Variants in COL22A1 observed in about 807,000 individuals in gnomAD.
COL22A1 encodes the protein collagen type XXII alpha 1 chain.
A neutral mutation model predicts 248.9 loss-of-function variants in COL22A1; 221 were observed. The ratio of observed to expected loss-of-function variants is 0.89; its 90% confidence interval spans 0.80 to 0.99. COL22A1 has a LOEUF of 0.99. COL22A1 is among the 50% of genes least tolerant of loss of function. COL22A1 has a pLI of 0.00. For synonymous variants in COL22A1, 891 were observed against 793.4 expected (o/e 1.12, Z -2.07); for missense variants, 2,240 against 2,179.0 (o/e 1.03, Z -0.56).
intron 16 of COL22A1, among the ~76,000 whole-genome samples, chr8:138,767,208 G>A (rs1041434177): frequency 5.3e-5 from 8 of 152,234 alleles, no homozygotes; most frequent in African/African-American, 1.9e-4. Context: ...CGTGGAAGGT[G>A]CGCATTAACA....
chr8:138,667,484 A>G (rs1332020908), intron 41 of COL22A1, among the ~76,000 whole-genome samples: 2 of 152,212 alleles, frequency 1.3e-5, no homozygotes, highest in African/African-American at 4.8e-5. Context: ...AATTTAAAAC[A>G]CATCAAATGT....
rs763466994 is a variant in COL22A1, at chr8:138,902,739, T to TATATATACACACACACACACAC, written c.-73+10879_-73+10880insGTGTGTGTGTGTGTGTATATAT. On this transcript the variant is annotated intron_variant, in intron 1 of 64. Transcript: ENST00000303045. ...AAAAATTTATAAATATATATATATA[T>TATATATACACACACACACACAC]ACACACACACACACACACACACACA... Among the ~76,000 whole-genome samples the TATATATACACACACACACACAC allele has an allele frequency of 2.4e-3, 225 of 93,860 alleles. 1 individual carries two copies. Among genetic ancestry groups the TATATATACACACACACACACAC allele is most frequent in the African/African-American group, 4.0e-3 (89 of 22,090 alleles). The allele number at this position is 93,860 out of a possible 152,430, so 61.6% of individuals were successfully genotyped here. A position where few individuals can be genotyped will look rare whatever the true frequency, so the allele number is the denominator to read the frequency against.
chr8:138,687,238 T>G (rs989344616), intron 37 of COL22A1, among the ~76,000 whole-genome samples: 8 of 152,322 alleles, frequency 5.3e-5, no homozygotes, highest in African/African-American at 1.9e-4. Flanking sequence ...ATTACAGGCG[T>G]GAGCCACCAC....
intron 9 of COL22A1, among the ~76,000 whole-genome samples, chr8:138,810,951 A>G (rs1005492404): frequency 2.6e-5 from 4 of 152,222 alleles, no homozygotes; most frequent in African/African-American, 9.6e-5. Flanking sequence ...AGAGAGGGAC[A>G]ATACAGCCCG....
intron 7 of COL22A1, among the ~76,000 whole-genome samples, chr8:138,818,664 A>G (rs1818868048): frequency 2.0e-5 from 3 of 152,218 alleles, no homozygotes; most frequent in South Asian, 2.1e-4. Context: ...CACTCTATCT[A>G]CTTTCTGAAG....
intron 5 of COL22A1, among the ~76,000 whole-genome samples, chr8:138,832,417 G>A (rs907530226): frequency 6.6e-6 from 1 of 152,178 alleles, no homozygotes; most frequent in African/African-American, 2.4e-5. Flanking sequence ...TTGTCTGCCT[G>A]TAATAAGAAG....
At chr8:138,850,429 G>T (rs1462843115) in intron 3 of COL22A1, among the ~76,000 whole-genome samples, 1 of 152,230 alleles carries the variant, frequency 6.6e-6, no homozygotes, top group East Asian at 1.9e-4. Flanking sequence ...GCGAACACTG[G>T]CCCAGGAGAT....
intron 10 of COL22A1, among the ~76,000 whole-genome samples, chr8:138,806,083 TGTAA>T (rs1160977267): frequency 0.011 from 77 of 6,784 alleles, 9 homozygotes; most frequent in Non-Finnish European, 0.014. Context: ...TGATGGTGTG[TGTAA>T]TGGTGTGTGA....
At chr8:138,638,035 ATCC>A (rs559489144) in intron 47 of COL22A1, among the ~76,000 whole-genome samples, 474 of 152,002 alleles carry the variant, frequency 3.1e-3, no homozygotes, top group African/African-American at 0.01. Context: ...CATCACCATC[ATCC>A]TCATCATCAT....
intron 1 of COL22A1, among the ~76,000 whole-genome samples, chr8:138,887,102 A>C (rs924455578): frequency 1.3e-5 from 2 of 152,140 alleles, no homozygotes; most frequent in South Asian, 2.1e-4. Flanking sequence ...ATTATTATTG[A>C]CTATAGTCAC....
intron 22 of COL22A1, among the ~76,000 whole-genome samples, chr8:138,738,575 G>C (rs1831307676): frequency 6.6e-6 from 1 of 152,086 alleles, no homozygotes; most frequent in Admixed American, 6.5e-5. Flanking sequence ...TACTCTGCAA[G>C]AGGACCCTGG....
intron 25 of COL22A1, 135 bp downstream of exon 25, chr8:138,724,480 G>A (rs900062981): frequency 1.4e-5 from 11 of 787,300 alleles, no homozygotes; most frequent in Non-Finnish European, 2.1e-5. Context: ...TGAGCTCCGG[G>A]GCTGCAGGCC....
chr8:138,649,757 G>A lies in COL22A1; in HGVS notation c.3355C>T (p.Pro1119Ser), dbSNP rs1822530267. The change falls in exon 46 of 65, where the codon CCT becomes TCT. Residue 1119 changes from proline (P) to serine (S), a missense_variant. Physicochemically the swap from Pro to Ser is moderately conservative, Grantham distance 74. Transcript: ENST00000303045. ...LAKDVCNDCPPGPPGLPGLPG... is the reference protein window; with the variant it reads ...LAKDVCNDCPSGPPGLPGLPG... ...AGACCAGGGAGGCCTGGGGGGCCAG[G>A]AGGGCAGTCATTGCACACATCCTGA... is the stretch of plus-strand genomic sequence containing the variant. 6.2e-7 allele frequency: 1 copy of A among 1,601,798 alleles called. No homozygotes were observed. The highest frequency in any genetic ancestry group is 1.7e-5 in the Admixed American group (1 of 58,006).
chr8:138,778,366 C>T lies in COL22A1; in HGVS notation c.1745G>A (p.Arg582His), dbSNP rs371800283. 2.7e-5 allele frequency: 44 copies of T among 1,613,692 alleles called. No homozygotes were observed. Among genetic ancestry groups the T allele is most frequent in the East Asian group, 1.1e-4 (5 of 44,880 alleles). The change falls in exon 15 of 65, where the codon CGT becomes CAT. Residue 582 changes from arginine (R) to histidine (H), a missense_variant. Transcript: ENST00000303045. ...GCCTTCACTTACAGGAGCTCCGACACGTCCAGGAGGTCCGGGGAGTCCAGG... is the reference window on the plus strand; with the variant it reads ...GCCTTCACTTACAGGAGCTCCGACATGTCCAGGAGGTCCGGGGAGTCCAGG... ...GPPGLPGPPG[R>H]VGAPGLQGER... is the part of the protein sequence containing the mutation.
At chr8:138,734,979 A>G (rs953162778) in intron 23 of COL22A1, among the ~76,000 whole-genome samples, 17 of 152,154 alleles carry the variant, frequency 1.1e-4, no homozygotes, top group Non-Finnish European at 2.4e-4. Context: ...GAACACATGG[A>G]CACAGGGAGG....
At chr8:138,621,350 G>GAGTTACCAGTTGCCAGCCTGC (rs1263348177) in intron 52 of COL22A1, among the ~76,000 whole-genome samples, 2 of 152,138 alleles carry the variant, frequency 1.3e-5, no homozygotes, top group Non-Finnish European at 2.9e-5. Flanking sequence ...CCCCAGCCTG[G>GAGTTACCAGTTGCCAGCCTGC]AGTTACCAGT....
chr8:138,737,237 C>A (rs1202962912), intron 23 of COL22A1, among the ~76,000 whole-genome samples: 1 of 152,194 alleles, frequency 6.6e-6, no homozygotes, highest in East Asian at 1.9e-4. Flanking sequence ...GGTCCCCCTT[C>A]GCCTCCCAGC....
chr8:138,604,218 C>T (rs1818259739), intron 59 of COL22A1, among the ~76,000 whole-genome samples: 1 of 152,106 alleles, frequency 6.6e-6, no homozygotes, highest in South Asian at 2.1e-4. Flanking sequence ...AGCCTGGATT[C>T]CACGGAGAGT....
chr8:138,635,583 G>T (rs979399298), intron 48 of COL22A1, among the ~76,000 whole-genome samples: 1 of 151,978 alleles, frequency 6.6e-6, no homozygotes, highest in African/African-American at 2.4e-5. Flanking sequence ...ATGTGTAGAG[G>T]AGTCTATTGC....
Sources: gnomAD v4.1 joint callset for allele counts (sites outside exome capture counted in the v4.1 genomes callset) on GRCh38, gnomAD v4.1.1 for gene constraint, MANE v1.5 for transcripts, NCBI Gene and HGNC (gene_info 2026-07-23, HGNC 2026-07-21) for gene names.